Variants in ADGRA3 observed in about 807,000 individuals in gnomAD.
ADGRA3 encodes G-protein coupled receptor 125.
Under a neutral mutation model 119.8 loss-of-function variants are expected in ADGRA3, and 56 were observed. That is an observed-to-expected ratio of 0.47 (90% CI 0.38 to 0.58). The LOEUF (loss-of-function observed/expected upper bound fraction) is 0.58. Among genes scored for constraint, ADGRA3 ranks in the 20% least tolerant of loss-of-function variants. ADGRA3 has a pLI of 0.00. For missense variants in ADGRA3, 1,516 were observed against 1,649.0 expected, an observed-to-expected ratio of 0.92 and a Z score of 1.40; for synonymous variants, 607 against 623.8, an observed-to-expected ratio of 0.97 and a Z score of 0.40.
rs1436765623 is a variant in ADGRA3 at position 22,515,830 on chromosome 4, G to A, written c.-46C>T. On this transcript the variant is annotated 5_prime_UTR_variant, in exon 1 of 19. Transcript: ENST00000334304. ...GGGCGAGCGGCGGCGCACTGGCCTA[G>A]CGGGCCGCCCCGGAGCCCGGGCGGG... 1.0e-6 allele frequency: 1 copy of A among 982,940 alleles called. No individual in the cohort carries two copies. Among genetic ancestry groups the A allele is most frequent in the African/African-American group, 1.8e-5 (1 of 56,736 alleles). The allele number at this position is 982,940 out of a possible 1,614,324, so 60.9% of individuals were successfully genotyped here.
chr4:22,508,263 T>C (rs1195852795), intron 1 of ADGRA3, among the ~76,000 whole-genome samples: 1 of 152,102 alleles, frequency 6.6e-6, no homozygotes, highest in Non-Finnish European at 1.5e-5. Context: ...CTGAGTTGGG[T>C]ATTAAAGAAT....
chr4:22,499,060 A>G (rs1338894487), intron 1 of ADGRA3, among the ~76,000 whole-genome samples: 1 of 152,226 alleles, frequency 6.6e-6, no homozygotes, highest in Non-Finnish European at 1.5e-5. Flanking sequence ...AAAGGCAAGC[A>G]AAGATCATGA....
At chr4:22,408,009 T>C (rs1225841361) in intron 14 of ADGRA3, among the ~76,000 whole-genome samples, 2 of 152,068 alleles carry the variant, frequency 1.3e-5, no homozygotes, top group East Asian at 1.9e-4. Flanking sequence ...AATTTTAAAA[T>C]AGATTGAAAT....
chr4:22,447,388 CA>C, intron 5 of ADGRA3, 51 bp downstream of exon 5: 1 of 1,099,588 alleles, frequency 9.1e-7, no homozygotes, highest in South Asian at 1.5e-5. Flanking sequence ...TTTTAATTTT[CA>C]AAAAGACATG....
At chr4:22,433,233 G>A (rs1240295545) in intron 10 of ADGRA3, among the ~76,000 whole-genome samples, 1 of 152,166 alleles carries the variant, frequency 6.6e-6, no homozygotes, top group Non-Finnish European at 1.5e-5. Flanking sequence ...ATGTTAACCA[G>A]TAAAAGTGAC....
rs1181266253 is a variant in ADGRA3 at position 22,473,083 on chromosome 4, G to T, written c.329+689C>A. ...AAAGACATCTGAATAAAATATCAAA[G>T]TTTATACTAGTGTTTTTCCCCTTGA... is the stretch of plus-strand genomic sequence containing the variant. On this transcript the variant is annotated intron_variant, in intron 2 of 18. Coordinates refer to ENST00000334304, the MANE Select transcript of ADGRA3 (RefSeq NM_145290.4). 2.6e-5 allele frequency: 4 copies of T among 152,098 alleles called. No individual in the cohort carries two copies. In the East Asian group the frequency reaches 7.7e-4, roughly 29 times the overall value. 9.4% of individuals were successfully genotyped at this position (152,098 alleles called of 1,614,324 possible).
At chr4:22,478,387 G>A (rs1718128716) in intron 1 of ADGRA3, among the ~76,000 whole-genome samples, 1 of 152,198 alleles carries the variant, frequency 6.6e-6, no homozygotes. Context: ...ATGGAAAACT[G>A]TTGACAACAC....
rs377013301 is a variant in ADGRA3, at chr4:22,434,403, T to C, written c.1443+908A>G. 4.6e-5 allele frequency among the ~76,000 whole-genome samples: 7 copies of C among 152,174 alleles called. No individual in the cohort carries two copies. The South Asian group carries it at 8.3e-4, about 18-fold the overall frequency. On this transcript the variant is annotated intron_variant, in intron 10 of 18. Coordinates refer to ENST00000334304, the MANE Select transcript of ADGRA3 (RefSeq NM_145290.4). Reference sequence around the variant, plus strand: ...CTCACAGTTGTGTACAGAGCACTTTTAGAGTTCCAAGTCAGGGCCACATTG... The same window carrying C: ...CTCACAGTTGTGTACAGAGCACTTTCAGAGTTCCAAGTCAGGGCCACATTG...
chr4:22,459,608 A>AT (rs1717369884), intron 3 of ADGRA3, among the ~76,000 whole-genome samples: 1 of 152,166 alleles, frequency 6.6e-6, no homozygotes, highest in South Asian at 2.1e-4. Flanking sequence ...CAGTGTTATG[A>AT]TGCAAATACT....
intron 1 of ADGRA3, among the ~76,000 whole-genome samples, chr4:22,489,166 G>C (rs938952089): frequency 6.6e-6 from 1 of 152,158 alleles, no homozygotes; most frequent in Non-Finnish European, 1.5e-5. Context: ...GCAGGCAAGA[G>C]AGAATGAGAG....
At chr4:22,448,351 G>A (rs1383279128) in intron 4 of ADGRA3, among the ~76,000 whole-genome samples, 1 of 152,144 alleles carries the variant, frequency 6.6e-6, no homozygotes, top group Non-Finnish European at 1.5e-5. Flanking sequence ...GCTAAAATGA[G>A]ACTGAGCACT....
At position 22,438,412 on chromosome 4, in the gene ADGRA3, G is replaced by A. The variant is rs1716481440; in HGVS notation, c.929C>T (p.Thr310Ile). ...HNCSLIASAL[T>I]ISNIQAGSTG... ...AGATCCAGCCTGAATATTAGAAATG[G>A]TTAGGGCACTGCATAAAGAAAGATT... Residue 310 changes from threonine (T) to isoleucine (I), a missense_variant, in exon 8 of 19, where the codon ACC (threonine) becomes ATC (isoleucine). Coordinates refer to ENST00000334304, the MANE Select transcript of ADGRA3 (RefSeq NM_145290.4). 2 of 1,613,130 alleles carry A rather than the reference G, an allele frequency of 1.2e-6. No homozygotes were observed. Among genetic ancestry groups the A allele is most frequent in the Non-Finnish European group, 1.7e-6 (2 of 1,179,556 alleles).
rs1296087147 is a variant in ADGRA3, at chr4:22,438,237, T to C, written c.1085+19A>G. On this transcript the variant is annotated intron_variant, in intron 8 of 18. Transcript: ENST00000334304. ...CTGGGACAAATTAAACTTTTCCCCG[T>C]ATTTTCCACAACACTGACCTGAAGT... 5.6e-6 allele frequency: 9 copies of C among 1,602,012 alleles called. No homozygotes were observed. The South Asian group carries it at 1.0e-4, about 18-fold the overall frequency.
At chr4:22,428,906 G>A (rs1018880140) in intron 10 of ADGRA3, among the ~76,000 whole-genome samples, 1 of 152,074 alleles carries the variant, frequency 6.6e-6, no homozygotes, top group Non-Finnish European at 1.5e-5. Context: ...ATTTTACTGA[G>A]GTATAGGAGT....
chr4:22,497,191 T>A (rs1014616443), intron 1 of ADGRA3, among the ~76,000 whole-genome samples: 1 of 152,124 alleles, frequency 6.6e-6, no homozygotes, highest in South Asian at 2.1e-4. Context: ...TATGTGGTAA[T>A]ACAGGCAAAG....
At chr4:22,442,307 T>A (rs1716645758) in intron 7 of ADGRA3, among the ~76,000 whole-genome samples, 1 of 152,136 alleles carries the variant, frequency 6.6e-6, no homozygotes, top group Non-Finnish European at 1.5e-5. Context: ...AGAGTCAATA[T>A]CAGGTGATTA....
At chr4:22,477,054 G>A (rs1718073603) in intron 1 of ADGRA3, among the ~76,000 whole-genome samples, 1 of 151,818 alleles carries the variant, frequency 6.6e-6, no homozygotes. Flanking sequence ...TTTCCTCCTG[G>A]TAATAAATAT....
At chr4:22,406,205 C>G (rs935202300) in intron 14 of ADGRA3, among the ~76,000 whole-genome samples, 1 of 151,996 alleles carries the variant, frequency 6.6e-6, no homozygotes, top group Non-Finnish European at 1.5e-5. Flanking sequence ...TTTTCTTTAC[C>G]CATTTGTCTG....
chr4:22,474,108 A>G (rs1215682671), intron 1 of ADGRA3, among the ~76,000 whole-genome samples: 1 of 152,226 alleles, frequency 6.6e-6, no homozygotes, highest in Non-Finnish European at 1.5e-5. Flanking sequence ...AATATGTAAT[A>G]GCTCTAAGTT....
Sources: gnomAD v4.1 joint callset for allele counts (sites outside exome capture counted in the v4.1 genomes callset) on GRCh38, gnomAD v4.1.1 for gene constraint, MANE v1.5 for transcripts, NCBI Gene and HGNC (gene_info 2026-07-23, HGNC 2026-07-21) for gene names.